ARHGAP39: variants seen among roughly 807,000 people sequenced by gnomAD.
ARHGAP39 encodes the protein rho GTPase-activating protein 39.
Under a neutral mutation model 106.9 loss-of-function variants are expected in ARHGAP39, and 44 were observed. The ratio of observed to expected loss-of-function variants is 0.41; its 90% CI spans 0.32 to 0.53. The LOEUF is 0.53. Ranked by LOEUF, ARHGAP39 falls within the 20% of genes least tolerant of loss-of-function variation. ARHGAP39 has a pLI of 0.21. For missense variants in ARHGAP39, 1,496 were observed against 1,577.3 expected (o/e 0.95, Z 0.87); for synonymous variants, 768 against 693.2 (o/e 1.11, Z -1.69).
intron 1 of ARHGAP39, among the ~76,000 whole-genome samples, chr8:144,628,208 G>A (rs770804664): frequency 6.6e-6 from 1 of 152,210 alleles, no homozygotes; most frequent in Non-Finnish European, 1.5e-5. Flanking sequence ...ATGCAGGGCA[G>A]GGGCCAGGTG....
chr8:144,657,204 T>G (rs919525592), intron 1 of ARHGAP39, among the ~76,000 whole-genome samples: 1 of 150,448 alleles, frequency 6.6e-6, no homozygotes, highest in African/African-American at 2.4e-5. Context: ...GACCAGTCTC[T>G]GAAAAAAATA....
At chr8:144,666,458 A>T (rs1244052263) in intron 1 of ARHGAP39, among the ~76,000 whole-genome samples, 1 of 152,126 alleles carries the variant, frequency 6.6e-6, no homozygotes, top group Non-Finnish European at 1.5e-5. Flanking sequence ...CTAAATCTCA[A>T]TGTGAATTGT....
At position 144,671,285 on chromosome 8, in the gene ARHGAP39, C is replaced by T. The variant is rs571112999; in HGVS notation, c.-82+14401G>A. 6.6e-5 allele frequency among the ~76,000 whole-genome samples: 10 copies of T among 152,362 alleles called. No individual in the cohort carries two copies. The East Asian group carries it at 1.9e-3, about 29-fold the overall frequency. On this transcript the variant is annotated intron_variant, in intron 1 of 11. Coordinates refer to ENST00000377307, the MANE Select transcript of ARHGAP39 (RefSeq NM_025251.3). This position sits in a 1 kb window ranked among gnomAD's most constrained non-coding sequence, Gnocchi z 4.5. Reference sequence around the variant, plus strand: ...TGCAAATGACTTACCATTTAAAATACATCAGAATGGGTCAAGGGTGGATAA... The same window carrying T: ...TGCAAATGACTTACCATTTAAAATATATCAGAATGGGTCAAGGGTGGATAA...
upstream of ARHGAP39, among the ~76,000 whole-genome samples, chr8:144,689,855 C>T (rs1822708942): frequency 6.7e-6 from 1 of 149,972 alleles, no homozygotes; most frequent in South Asian, 2.1e-4. Flanking sequence ...AAGCAATTCT[C>T]CTGCCTCAGC....
chr8:144,607,866 T>A (rs1433987803), intron 1 of ARHGAP39, among the ~76,000 whole-genome samples: 1 of 152,128 alleles, frequency 6.6e-6, no homozygotes, highest in East Asian at 1.9e-4. Flanking sequence ...TTTTTAAAAA[T>A]GAAACTCAGG....
At chr8:144,687,898 C>CA (rs1252509939), upstream of ARHGAP39, among the ~76,000 whole-genome samples, 1 of 148,386 alleles carries the variant, frequency 6.7e-6, no homozygotes, top group Non-Finnish European at 1.5e-5. Flanking sequence ...GAACACTTCC[C>CA]ACCCCGTGAC....
intron 2 of ARHGAP39, among the ~76,000 whole-genome samples, chr8:144,589,376 G>A (rs1819305004): frequency 1.3e-5 from 2 of 152,244 alleles, no homozygotes; most frequent in South Asian, 4.1e-4. Context: ...CTGGGGCAGG[G>A]AGTCATGGCC....
At chr8:144,627,689 T>C (rs1820961033) in intron 1 of ARHGAP39, among the ~76,000 whole-genome samples, 2 of 151,592 alleles carry the variant, frequency 1.3e-5, no homozygotes, top group African/African-American at 4.9e-5. Flanking sequence ...GCCCAGGAGG[T>C]TGAGGCTACA....
chr8:144,562,063 C>A (rs901932895), intron 3 of ARHGAP39, among the ~76,000 whole-genome samples: 1 of 147,050 alleles, frequency 6.8e-6, no homozygotes, highest in Non-Finnish European at 1.5e-5. Context: ...TGGTTTCCAT[C>A]GGACTTACTC....
At chr8:144,579,605 G>A (rs1032631508) in intron 3 of ARHGAP39, among the ~76,000 whole-genome samples, 1 of 152,150 alleles carries the variant, frequency 6.6e-6, no homozygotes, top group Admixed American at 6.5e-5. Context: ...CATCCTGCCA[G>A]ACCGGGTCCA....
At chr8:144,621,910 C>A (rs147968525) in intron 1 of ARHGAP39, among the ~76,000 whole-genome samples, 1 of 152,360 alleles carries the variant, frequency 6.6e-6, no homozygotes, top group African/African-American at 2.4e-5. Flanking sequence ...CGGCTCAGTG[C>A]GGGCCGCACA....
intron 1 of ARHGAP39, among the ~76,000 whole-genome samples, chr8:144,652,641 T>C (rs1175653154): frequency 6.6e-6 from 1 of 152,170 alleles, no homozygotes; most frequent in African/African-American, 2.4e-5. Context: ...CTATTCTCCT[T>C]AGCAAACTAA....
the ARHGAP39 span, chr8:144,698,565 A>C: frequency 3.8e-6 from 1 of 262,776 alleles, no homozygotes; most frequent in Non-Finnish European, 7.5e-6. Flanking sequence ...AGCCATCTAG[A>C]GCTTTCTTAA....
chr8:144,591,757 A>C lies in ARHGAP39; in HGVS notation c.81-10480T>G, dbSNP rs1199606939. Among the ~76,000 whole-genome samples, 1 of 152,232 alleles carries C rather than the reference A, an allele frequency of 6.6e-6. No homozygotes were observed. Among genetic ancestry groups the C allele is most frequent in the Non-Finnish European group, 1.5e-5 (1 of 68,034 alleles). ...ACCAAGGACAGGACCACATGGACGCAGGTCAAACGCGGTGAGCAGTGAGGT... is the reference window on the plus strand; with the variant it reads ...ACCAAGGACAGGACCACATGGACGCCGGTCAAACGCGGTGAGCAGTGAGGT... On this transcript the variant is annotated intron_variant, in intron 2 of 11. Transcript: ENST00000377307. This position sits in a 1 kb window ranked among gnomAD's most constrained non-coding sequence, Gnocchi z 5.3.
intron 1 of ARHGAP39, among the ~76,000 whole-genome samples, chr8:144,661,537 C>G (rs757661379): frequency 1.3e-5 from 2 of 152,114 alleles, no homozygotes; most frequent in African/African-American, 4.8e-5. Context: ...AACCAGCCTT[C>G]CCCTTTCTCC....
chr8:144,565,058 C>T (rs551264247), intron 3 of ARHGAP39, among the ~76,000 whole-genome samples: 6 of 151,344 alleles, frequency 4.0e-5, no homozygotes, highest in South Asian at 4.2e-4. Context: ...TGCCGTGAGC[C>T]GAGATTGCGC....
intron 1 of ARHGAP39, among the ~76,000 whole-genome samples, chr8:144,653,970 G>A (rs1319558623): frequency 6.6e-6 from 1 of 152,242 alleles, no homozygotes; most frequent in African/African-American, 2.4e-5. Context: ...CACGCGGACA[G>A]AGCCGCGCCG....
At chr8:144,599,005 A>T (rs551567223) in intron 2 of ARHGAP39, among the ~76,000 whole-genome samples, 1 of 152,354 alleles carries the variant, frequency 6.6e-6, no homozygotes, top group Non-Finnish European at 1.5e-5. Flanking sequence ...TACTTCAGTG[A>T]TCATCAGAGC....
chr8:144,565,945 G>T (rs1177297361), intron 3 of ARHGAP39, among the ~76,000 whole-genome samples: 1 of 139,114 alleles, frequency 7.2e-6, no homozygotes, highest in Non-Finnish European at 1.5e-5. Flanking sequence ...AAAAAAAAAA[G>T]GCTGGGTACG....
Sources: allele counts gnomAD v4.1 joint callset (sites outside exome capture counted in the v4.1 genomes callset), GRCh38; gene constraint gnomAD v4.1.1; non-coding constraint Gnocchi (gnomAD v3.1); transcripts MANE v1.5; gene names NCBI Gene and HGNC (gene_info 2026-07-23, HGNC 2026-07-21).